ROBO1: variants seen among roughly 807,000 people sequenced by gnomAD.
ROBO1 encodes the protein roundabout guidance receptor 1, also known as roundabout homolog 1.
A neutral mutation model predicts 195.9 loss-of-function variants in ROBO1; 149 were observed. That is an observed-to-expected ratio of 0.76 (90% CI 0.67 to 0.87). The LOEUF (loss-of-function observed/expected upper bound fraction) is 0.87, where lower values mean the gene tolerates loss of function less well. Among genes scored for constraint, ROBO1 ranks in the 40% least tolerant of loss-of-function variants. ROBO1 has a pLI of 0.00. For missense variants in ROBO1, 1,933 were observed against 2,068.3 expected (o/e 0.93, Z 1.27); for synonymous variants, 816 against 733.2 (o/e 1.11, Z -1.82).
At chr3:79,119,388 A>G (rs2080074192) in intron 3 of ROBO1, among the ~76,000 whole-genome samples, 2 of 152,110 alleles carry the variant, frequency 1.3e-5, no homozygotes, top group Non-Finnish European at 2.9e-5. Context: ...TTTTCTCTGA[A>G]TTCTAGGGAA....
intron 2 of ROBO1, among the ~76,000 whole-genome samples, chr3:79,229,636 T>C (rs1477563666): frequency 3.3e-5 from 5 of 151,940 alleles, no homozygotes; most frequent in Non-Finnish European, 5.9e-5. Flanking sequence ...TTTGTAGAGG[T>C]GAGGTCTCAC....
At chr3:78,618,795 T>A (rs1704278086) in intron 26 of ROBO1, among the ~76,000 whole-genome samples, 1 of 152,188 alleles carries the variant, frequency 6.6e-6, no homozygotes, top group Admixed American at 6.5e-5. Flanking sequence ...GAGGACAAAA[T>A]GAAGTAGTCT....
At chr3:79,063,768 C>T (rs1239451401) in intron 3 of ROBO1, among the ~76,000 whole-genome samples, 33 of 151,650 alleles carry the variant, frequency 2.2e-4, no homozygotes, top group Non-Finnish European at 4.4e-5. Context: ...ATCCTGAAGT[C>T]AGCTTTGATG....
At chr3:79,607,883 TA>T (rs1944539103) in intron 1 of ROBO1, among the ~76,000 whole-genome samples, 1 of 152,008 alleles carries the variant, frequency 6.6e-6, no homozygotes, top group African/African-American at 2.4e-5. Flanking sequence ...ATGTTTGCCA[TA>T]ACCAGGATGT....
chr3:78,657,796 T>G (rs2107650363), intron 17 of ROBO1, among the ~76,000 whole-genome samples: 1 of 152,346 alleles, frequency 6.6e-6, no homozygotes, highest in South Asian at 2.1e-4. Flanking sequence ...CATCACATTT[T>G]ACAAGGAGTA....
chr3:79,585,065 GT>G (rs1943786911), intron 2 of ROBO1, among the ~76,000 whole-genome samples: 1 of 148,222 alleles, frequency 6.7e-6, no homozygotes, highest in Admixed American at 6.7e-5. Context: ...AGTGACTATT[GT>G]TTTTAGCATC....
chr3:79,102,538 A>C (rs565015555), intron 3 of ROBO1, among the ~76,000 whole-genome samples: 1 of 151,854 alleles, frequency 6.6e-6, no homozygotes, highest in African/African-American at 2.4e-5. Flanking sequence ...CTGTTTGCCA[A>C]TTTACATGAA....
chr3:79,275,254 T>C (rs1576909004), intron 2 of ROBO1, among the ~76,000 whole-genome samples: 5 of 151,820 alleles, frequency 3.3e-5, no homozygotes, highest in Admixed American at 3.3e-4. Flanking sequence ...GGAAACCAAA[T>C]TCAACAACAT....
intron 2 of ROBO1, among the ~76,000 whole-genome samples, chr3:79,141,321 G>A (rs2080520261): frequency 6.6e-6 from 1 of 152,020 alleles, no homozygotes; most frequent in Non-Finnish European, 1.5e-5. Context: ...ACTGCTAAAG[G>A]GACAAATTTC....
intron 2 of ROBO1, among the ~76,000 whole-genome samples, chr3:79,343,025 C>T (rs548612339): frequency 6.6e-6 from 1 of 152,288 alleles, no homozygotes; most frequent in Non-Finnish European, 1.5e-5. Flanking sequence ...CTCTCACACC[C>T]TAACAACAAT....
At chr3:78,719,930 T>C (rs202143420) in intron 5 of ROBO1, among the ~76,000 whole-genome samples, 1 of 152,210 alleles carries the variant, frequency 6.6e-6, no homozygotes, top group East Asian at 1.9e-4. Context: ...TTACTAATTA[T>C]CTTATGTTTC....
At chr3:79,758,380 G>A (rs1704519823) in intron 1 of ROBO1, among the ~76,000 whole-genome samples, 1 of 152,184 alleles carries the variant, frequency 6.6e-6, no homozygotes, top group Non-Finnish European at 1.5e-5. Flanking sequence ...GGCACATGTA[G>A]CTAGTGGTTA....
intron 3 of ROBO1, among the ~76,000 whole-genome samples, chr3:78,973,432 T>G (rs1187272449): frequency 1.4e-5 from 2 of 147,066 alleles, no homozygotes; most frequent in African/African-American, 4.9e-5. Context: ...AAGCTATATA[T>G]ATATAGAAGC....
intron 4 of ROBO1, among the ~76,000 whole-genome samples, chr3:78,811,173 C>A (rs2084726079): frequency 6.6e-6 from 1 of 152,074 alleles, no homozygotes; most frequent in Non-Finnish European, 1.5e-5. Flanking sequence ...AATGGAAACC[C>A]TAAAGCCTAT....
chr3:79,580,405 C>T (rs1486622385), intron 2 of ROBO1, among the ~76,000 whole-genome samples: 1 of 151,782 alleles, frequency 6.6e-6, no homozygotes, highest in Non-Finnish European at 1.5e-5. Flanking sequence ...ACCCTTGAGC[C>T]CAGGAGGCAA....
At chr3:78,874,292 T>C (rs1375964634) in intron 4 of ROBO1, among the ~76,000 whole-genome samples, 1 of 151,984 alleles carries the variant, frequency 6.6e-6, no homozygotes, top group Non-Finnish European at 1.5e-5. Context: ...ATATGCTGTA[T>C]TATTTTACAC....
intron 14 of ROBO1, among the ~76,000 whole-genome samples, chr3:78,663,075 A>G (rs1707524858): frequency 6.6e-6 from 1 of 152,090 alleles, no homozygotes; most frequent in Admixed American, 6.6e-5. Context: ...TACATTCCAG[A>G]TGATTCCCCA....
At chr3:78,870,715 C>T (rs2035493933) in intron 4 of ROBO1, among the ~76,000 whole-genome samples, 1 of 152,128 alleles carries the variant, frequency 6.6e-6, no homozygotes, top group Non-Finnish European at 1.5e-5. Context: ...ATTGCTGAGC[C>T]AATCAGGACT....
At position 79,449,046 on chromosome 3, in the gene ROBO1, T is replaced by C. The variant is rs184115379; in HGVS notation, c.88+140778A>G. Among the ~76,000 whole-genome samples the C allele has an allele frequency of 4.6e-5, 7 of 152,116 alleles. No homozygotes were observed. The East Asian group carries it at 9.7e-4, about 21-fold the overall frequency. On this transcript the variant is annotated intron_variant, in intron 2 of 30. Coordinates refer to ENST00000464233, the MANE Select transcript of ROBO1 (RefSeq NM_002941.4). ...GAAGTTTGAGACCAGCTGGGCACCA[T>C]AGGGAGATCCCTGTCTCTACAGAAT...
Sources: allele counts gnomAD v4.1 joint callset (sites outside exome capture counted in the v4.1 genomes callset), GRCh38; gene constraint gnomAD v4.1.1; transcripts MANE v1.5; gene names NCBI Gene and HGNC (gene_info 2026-07-23, HGNC 2026-07-21).